CENPP: variants seen among roughly 807,000 people sequenced by gnomAD.
CENPP encodes the protein centromere protein P.
CENPP carries 24 observed loss-of-function variants against 35.6 expected under a neutral mutation model. The ratio of observed to expected loss-of-function variants is 0.67; its 90% CI spans 0.49 to 0.95. The LOEUF (loss-of-function observed/expected upper bound fraction) is 0.95, where lower values mean the gene tolerates loss of function less well. Ranked by LOEUF, CENPP falls within the 40% of genes least tolerant of loss-of-function variation. The pLI is 0.00. For missense variants in CENPP, 332 were observed against 345.3 expected (o/e 0.96, Z 0.31); for synonymous variants, 120 against 125.5 (o/e 0.96, Z 0.29).
At chr9:92,599,461 G>A (rs991774173) in intron 5 of CENPP, among the ~76,000 whole-genome samples, 12 of 152,084 alleles carry the variant, frequency 7.9e-5, no homozygotes, top group Non-Finnish European at 1.5e-4. Flanking sequence ...CTGTCACCCA[G>A]GCTGGAATGC....
intron 4 of CENPP, among the ~76,000 whole-genome samples, chr9:92,377,710 C>T (rs1411752288): frequency 3.3e-5 from 5 of 152,026 alleles, no homozygotes; most frequent in Non-Finnish European, 7.4e-5. Context: ...TTTTTTTGTT[C>T]TTATTGTTGA....
intron 5 of CENPP, among the ~76,000 whole-genome samples, chr9:92,594,434 A>G (rs1313544306): frequency 2.0e-5 from 3 of 152,186 alleles, no homozygotes; most frequent in African/African-American, 7.2e-5. Flanking sequence ...CTTATTTTAA[A>G]AGATGGGCAT....
chr9:92,372,655 T>C (rs1842037370), intron 4 of CENPP, among the ~76,000 whole-genome samples: 1 of 152,200 alleles, frequency 6.6e-6, no homozygotes, highest in Non-Finnish European at 1.5e-5. Flanking sequence ...GCATTTGTGT[T>C]GGGATGACTT....
In CENPP at chr9:92,615,916, C is replaced by T; in HGVS notation, c.*2767C>T. The T allele has an allele frequency of 1.2e-6, 2 of 1,614,166 alleles. No homozygotes were observed. Among genetic ancestry groups the T allele is most frequent in the Non-Finnish European group, 8.5e-7 (1 of 1,180,024 alleles). ...CGGCGTTGTCTTTGGCACGTACAGT[C>T]TTTGAATAATAGTTGACGATCTTGC... On this transcript the variant is annotated 3_prime_UTR_variant, in exon 8 of 8. Transcript: ENST00000375587.
intron 5 of CENPP, chr9:92,414,797 C>T (rs1843539752): frequency 4.3e-6 from 1 of 235,234 alleles, no homozygotes. Context: ...TGGGTCTTTA[C>T]TGCTAATGCT....
intron 5 of CENPP, chr9:92,389,905 A>C: frequency 1.2e-6 from 2 of 1,613,196 alleles, no homozygotes; most frequent in Non-Finnish European, 8.5e-7. Flanking sequence ...TGTATTTTGC[A>C]TTAAATAAAG....
At chr9:92,546,398 C>G (rs572906585) in intron 5 of CENPP, among the ~76,000 whole-genome samples, 1 of 152,188 alleles carries the variant, frequency 6.6e-6, no homozygotes, top group African/African-American at 2.4e-5. Flanking sequence ...GCTGCTCACT[C>G]TTTGGGTCCA....
At chr9:92,393,015 A>T in intron 5 of CENPP, 1 of 1,275,024 alleles carries the variant, frequency 7.8e-7, no homozygotes, top group Non-Finnish European at 1.1e-6. Context: ...GCAACTATAT[A>T]GAAACTTGTG....
At chr9:92,334,648 T>G (rs541704991) in intron 2 of CENPP, among the ~76,000 whole-genome samples, 1 of 152,102 alleles carries the variant, frequency 6.6e-6, no homozygotes, top group Admixed American at 6.5e-5. Context: ...GGGAGGCCTA[T>G]GTGGGCAGGT....
At chr9:92,558,884 T>C (rs551678244) in intron 5 of CENPP, among the ~76,000 whole-genome samples, 1 of 152,148 alleles carries the variant, frequency 6.6e-6, no homozygotes, top group South Asian at 2.1e-4. Flanking sequence ...CTTCCTCTGC[T>C]GAGTCATGCA....
chr9:92,508,350 C>T (rs953301300), intron 5 of CENPP, among the ~76,000 whole-genome samples: 2 of 152,216 alleles, frequency 1.3e-5, no homozygotes, highest in Non-Finnish European at 2.9e-5. Flanking sequence ...GAAAGGCAGG[C>T]AGACAGCCCG....
chr9:92,589,986 C>G (rs974398928), intron 5 of CENPP, among the ~76,000 whole-genome samples: 1 of 152,178 alleles, frequency 6.6e-6, no homozygotes, highest in African/African-American at 2.4e-5. Flanking sequence ...CCTGCTCCCC[C>G]ACACCTACCT....
intron 5 of CENPP, among the ~76,000 whole-genome samples, chr9:92,398,506 A>G (rs1842982966): frequency 6.6e-6 from 1 of 151,684 alleles, no homozygotes; most frequent in Non-Finnish European, 1.5e-5. Flanking sequence ...TCTTTCTTAC[A>G]TGAAAGACAG....
chr9:92,523,647 A>G (rs775876708), intron 5 of CENPP, among the ~76,000 whole-genome samples: 12 of 152,250 alleles, frequency 7.9e-5, no homozygotes, highest in Non-Finnish European at 1.6e-4. Flanking sequence ...GGCGTAATCT[A>G]TAGCAGTAGC....
At chr9:92,471,430 C>T (rs1429075826) in intron 5 of CENPP, among the ~76,000 whole-genome samples, 3 of 151,858 alleles carry the variant, frequency 2.0e-5, no homozygotes, top group African/African-American at 4.8e-5. Context: ...CTCCTGACCT[C>T]GTGATTCGCC....
At chr9:92,506,570 G>A (rs1847020018) in intron 5 of CENPP, among the ~76,000 whole-genome samples, 2 of 152,194 alleles carry the variant, frequency 1.3e-5, no homozygotes, top group African/African-American at 4.8e-5. Context: ...CATGGGCATT[G>A]CACCGAATGC....
At chr9:92,389,236 G>C (rs1842567654) in intron 5 of CENPP, among the ~76,000 whole-genome samples, 1 of 152,114 alleles carries the variant, frequency 6.6e-6, no homozygotes, top group African/African-American at 2.4e-5. Context: ...TACTCCTGTA[G>C]GTCATGCATT....
intron 5 of CENPP, among the ~76,000 whole-genome samples, chr9:92,465,836 CTT>C (rs771611786): frequency 1.3e-4 from 19 of 141,224 alleles, no homozygotes; most frequent in Non-Finnish European, 7.8e-5. Context: ...AAAGGAGGTT[CTT>C]TTTTTTTTTT....
At chr9:92,477,293 T>A (rs2131092097) in intron 5 of CENPP, among the ~76,000 whole-genome samples, 1 of 152,314 alleles carries the variant, frequency 6.6e-6, no homozygotes, top group East Asian at 1.9e-4. Flanking sequence ...TCTCTGTGCC[T>A]TTGCTGTCTG....
Sources: allele counts gnomAD v4.1 joint callset (sites outside exome capture counted in the v4.1 genomes callset), GRCh38; gene constraint gnomAD v4.1.1; transcripts MANE v1.5; gene names NCBI Gene and HGNC (gene_info 2026-07-23, HGNC 2026-07-21).